MYO3B: variants seen among roughly 807,000 people sequenced by gnomAD.
MYO3B encodes myosin IIIB, also known as myosin-IIIb.
In MYO3B, 156 loss-of-function variants were observed where a neutral mutation model predicts 174.6. The observed-to-expected ratio is 0.89, with a 90% CI of 0.78 to 1.02. MYO3B has a LOEUF of 1.02. MYO3B is among the 50% of genes least tolerant of loss of function. The pLI is 0.00. For synonymous variants in MYO3B, 563 were observed against 569.1 expected, an observed-to-expected ratio of 0.99 and a Z score of 0.15; for missense variants, 1,632 against 1,639.4, an observed-to-expected ratio of 1.00 and a Z score of 0.08.
chr2:170,295,757 G>C lies in MYO3B; in HGVS notation c.750-39628G>C, dbSNP rs12613976. On this transcript the variant is annotated intron_variant, in intron 7 of 34. Coordinates refer to ENST00000408978, the MANE Select transcript of MYO3B (RefSeq NM_138995.5). ...TGAGTAATCAACTCTCTAAGTCTTTGCCTTTGTAAAAATATCTTTATTTCT... is the reference window on the plus strand; with the variant it reads ...TGAGTAATCAACTCTCTAAGTCTTTCCCTTTGTAAAAATATCTTTATTTCT... 1.2e-3 allele frequency among the ~76,000 whole-genome samples: 182 copies of C among 152,188 alleles called. 2 individuals are homozygous for C. In the East Asian group the frequency reaches 0.031, roughly 26 times the overall value.
intron 7 of MYO3B, among the ~76,000 whole-genome samples, chr2:170,286,764 TA>T (rs560658096): frequency 1.3e-5 from 2 of 152,158 alleles, no homozygotes; most frequent in African/African-American, 2.4e-5. Flanking sequence ...TTTTTCATTT[TA>T]TTTTTTTATT....
intron 7 of MYO3B, among the ~76,000 whole-genome samples, chr2:170,321,595 C>G (rs555113979): frequency 6.6e-6 from 1 of 152,260 alleles, no homozygotes; most frequent in African/African-American, 2.4e-5. Flanking sequence ...ACCAGACAGA[C>G]AAGAATGCAG....
intron 23 of MYO3B, among the ~76,000 whole-genome samples, chr2:170,459,719 G>A (rs575048911): frequency 1.5e-3 from 227 of 152,322 alleles, no homozygotes; most frequent in African/African-American, 4.9e-3. Flanking sequence ...GGGCCGCATG[G>A]GAACCCACTG....
intron 32 of MYO3B, among the ~76,000 whole-genome samples, chr2:170,592,795 A>G (rs79708604): frequency 0.025 from 3,754 of 152,232 alleles, 60 homozygotes; most frequent in Middle Eastern, 0.055. Flanking sequence ...TGAATCACTC[A>G]CCAACTCTAG....
intron 32 of MYO3B, among the ~76,000 whole-genome samples, chr2:170,594,246 GC>G (rs1693999419): frequency 6.6e-6 from 1 of 151,984 alleles, no homozygotes; most frequent in African/African-American, 2.4e-5. Context: ...CCATCCTCCT[GC>G]CCTGTCATTT....
chr2:170,455,208 G>C (rs1683841536), intron 23 of MYO3B, among the ~76,000 whole-genome samples: 1 of 152,202 alleles, frequency 6.6e-6, no homozygotes. Context: ...AGGAAGGAAG[G>C]GGGTTTGTTT....
intron 32 of MYO3B, among the ~76,000 whole-genome samples, chr2:170,630,501 T>C (rs1417736024): frequency 6.6e-6 from 1 of 152,172 alleles, no homozygotes; most frequent in Non-Finnish European, 1.5e-5. Flanking sequence ...CACAGAAATT[T>C]CTGCAGATTT....
chr2:170,436,178 A>G (rs2094752343), intron 22 of MYO3B, among the ~76,000 whole-genome samples: 1 of 152,166 alleles, frequency 6.6e-6, no homozygotes. Context: ...CACAGGACAC[A>G]TGTTGGTAGT....
At chr2:170,391,144 C>G (rs144863679) in intron 14 of MYO3B, among the ~76,000 whole-genome samples, 170 of 152,160 alleles carry the variant, frequency 1.1e-3, no homozygotes, top group African/African-American at 3.9e-3. Context: ...GTCTAGGGCT[C>G]CAGTAAAGTA....
At chr2:170,370,639 ACACAC>A in intron 9 of MYO3B, among the ~76,000 whole-genome samples, 1 of 80,814 alleles carries the variant, frequency 1.2e-5, no homozygotes, top group South Asian at 4.2e-4. Context: ...ACACACACAC[ACACAC>A]ACACACACAC....
At chr2:170,489,426 G>A (rs1002376175) in intron 25 of MYO3B, among the ~76,000 whole-genome samples, 2 of 152,188 alleles carry the variant, frequency 1.3e-5, no homozygotes, top group Non-Finnish European at 2.9e-5. Context: ...CCCCAAATCT[G>A]TGGGGAACTT....
At position 170,429,517 on chromosome 2, in the gene MYO3B, TGGAA is replaced by T. The variant is rs1283269519; in HGVS notation, c.2651-14447_2651-14444del. Among the ~76,000 whole-genome samples the T allele has an allele frequency of 2.6e-5, 4 of 152,228 alleles. No individual in the cohort carries two copies. In the East Asian group the frequency reaches 7.7e-4, roughly 29 times the overall value. On this transcript the variant is annotated intron_variant, in intron 22 of 34. Coordinates refer to ENST00000408978, the MANE Select transcript of MYO3B (RefSeq NM_138995.5). ...CTGTCCCCACAGGTGGTATTTTCAC[TGGAA>T]GGGAGTGGTGAGTAACTTGTTTTTA...
At chr2:170,328,343 C>T (rs908964260) in intron 7 of MYO3B, among the ~76,000 whole-genome samples, 7 of 152,158 alleles carry the variant, frequency 4.6e-5, no homozygotes, top group South Asian at 4.1e-4. Context: ...CTGCTGGAAT[C>T]GAACCACTCA....
At chr2:170,405,177 A>G (rs915149969) in intron 20 of MYO3B, among the ~76,000 whole-genome samples, 4 of 152,226 alleles carry the variant, frequency 2.6e-5, no homozygotes, top group Non-Finnish European at 5.9e-5. Context: ...ATGAGTTGAA[A>G]TTATAACCCT....
At chr2:170,611,941 A>G (rs2105294891) in intron 32 of MYO3B, among the ~76,000 whole-genome samples, 1 of 152,310 alleles carries the variant, frequency 6.6e-6, no homozygotes, top group Middle Eastern at 3.4e-3. Flanking sequence ...TGGCCCAAAA[A>G]TGCTTCTCAA....
intron 7 of MYO3B, among the ~76,000 whole-genome samples, chr2:170,293,617 A>G (rs1335944812): frequency 6.6e-6 from 1 of 152,044 alleles, no homozygotes; most frequent in Admixed American, 6.6e-5. Flanking sequence ...AAAATCTAAG[A>G]TTTATTTGGT....
chr2:170,503,523 C>T (rs1012951074), intron 28 of MYO3B, among the ~76,000 whole-genome samples: 1 of 138,788 alleles, frequency 7.2e-6, no homozygotes, highest in East Asian at 2.1e-4. Context: ...CATTAAGGTG[C>T]CTTCCTTTTT....
chr2:170,438,020 G>T (rs1435317699), intron 22 of MYO3B, among the ~76,000 whole-genome samples: 1 of 152,102 alleles, frequency 6.6e-6, no homozygotes, highest in Non-Finnish European at 1.5e-5. Context: ...TTGCACAGCA[G>T]ATCTCTAGAA....
At chr2:170,607,323 G>T (rs537508823) in intron 32 of MYO3B, among the ~76,000 whole-genome samples, 2 of 152,216 alleles carry the variant, frequency 1.3e-5, no homozygotes, top group African/African-American at 4.8e-5. Context: ...GTGGCTTACA[G>T]CCACAAAGGT....
Sources: gnomAD v4.1 joint callset for allele counts (sites outside exome capture counted in the v4.1 genomes callset) on GRCh38, gnomAD v4.1.1 for gene constraint, MANE v1.5 for transcripts, NCBI Gene and HGNC (gene_info 2026-07-23, HGNC 2026-07-21) for gene names.